The following SLC2A9 variants were observed in gnomAD, a reference collection of about 807,000 sequenced individuals.
The protein encoded by SLC2A9 is solute carrier family 2, facilitated glucose transporter member 9.
Under a neutral mutation model 50.6 loss-of-function variants are expected in SLC2A9, and 39 were observed. The ratio of observed to expected loss-of-function variants is 0.77; its 90% CI spans 0.60 to 1.01. The LOEUF is 1.01. Among genes scored for constraint, SLC2A9 ranks in the 50% least tolerant of loss-of-function variants. The pLI is 0.00. For missense variants in SLC2A9, 686 were observed against 677.6 expected (o/e 1.01, Z -0.14); for synonymous variants, 324 against 276.9 (o/e 1.17, Z -1.69).
At chr4:9,895,883 C>T (rs952879533) in intron 8 of SLC2A9, among the ~76,000 whole-genome samples, 4 of 152,182 alleles carry the variant, frequency 2.6e-5, no homozygotes, top group East Asian at 3.8e-4. Flanking sequence ...CACAAGGATT[C>T]GATTTATCAT....
chr4:9,839,397 T>C (rs1467152571), intron 10 of SLC2A9, among the ~76,000 whole-genome samples: 1 of 152,158 alleles, frequency 6.6e-6, no homozygotes, highest in African/African-American at 2.4e-5. Flanking sequence ...GAGTGTAAAT[T>C]AGTTCAACCA....
intron 6 of SLC2A9, among the ~76,000 whole-genome samples, chr4:9,928,389 G>C (rs1180000334): frequency 6.6e-6 from 1 of 152,218 alleles, no homozygotes; most frequent in South Asian, 2.1e-4. Flanking sequence ...AGATGTGTCT[G>C]TCATGTGGTT....
chr4:9,874,943 GCGTC>G (rs1734057018), intron 10 of SLC2A9, among the ~76,000 whole-genome samples: 4 of 122,246 alleles, frequency 3.3e-5, no homozygotes, highest in Non-Finnish European at 5.2e-5. Flanking sequence ...CCATAGGTTA[GCGTC>G]TGTCTAAGAT....
intron 5 of SLC2A9, among the ~76,000 whole-genome samples, chr4:9,946,080 C>A (rs925609117): frequency 6.6e-6 from 1 of 152,194 alleles, no homozygotes; most frequent in Admixed American, 6.5e-5. Flanking sequence ...GGTGTCGGTC[C>A]AGCCTGCTGG....
chr4:9,886,879 G>A (rs775207856), intron 10 of SLC2A9, among the ~76,000 whole-genome samples: 1 of 152,178 alleles, frequency 6.6e-6, no homozygotes, highest in Non-Finnish European at 1.5e-5. Flanking sequence ...CATCCTTGTC[G>A]TTGTACAGAT....
intron 1 of SLC2A9, among the ~76,000 whole-genome samples, chr4:10,036,673 T>G (rs1764115263): frequency 6.6e-6 from 1 of 152,240 alleles, no homozygotes; most frequent in Admixed American, 6.5e-5. Flanking sequence ...GTTTTCTCCC[T>G]TTTTCCAATA....
At chr4:9,809,682 G>A (rs916528194) in intron 3 of SLC2A9, among the ~76,000 whole-genome samples, 1 of 152,174 alleles carries the variant, frequency 6.6e-6, no homozygotes, top group Non-Finnish European at 1.5e-5. Flanking sequence ...TGGTTAAATA[G>A]TGAGACCAAT....
At chr4:9,787,600 T>A (rs1719389032) in intron 3 of SLC2A9, among the ~76,000 whole-genome samples, 2 of 152,246 alleles carry the variant, frequency 1.3e-5, no homozygotes, top group Admixed American at 1.3e-4. Flanking sequence ...TATTCAGACT[T>A]CATGATAATG....
At chr4:10,024,634 C>A (rs1022824091), upstream of SLC2A9, among the ~76,000 whole-genome samples, 1 of 152,174 alleles carries the variant, frequency 6.6e-6, no homozygotes, top group African/African-American at 2.4e-5. Context: ...GTCTTGGCAG[C>A]CCCAGCAAAC....
At chr4:9,773,710 C>T (rs1717145831) in intron 1 of SLC2A9, among the ~76,000 whole-genome samples, 1 of 152,206 alleles carries the variant, frequency 6.6e-6, no homozygotes, top group Non-Finnish European at 1.5e-5. Context: ...AGAGCCTGTG[C>T]TGATGAGGCT....
exon 4 of SLC2A9, chr4:9,779,971 C>G (rs140660236): frequency 1.3e-5 from 2 of 152,292 alleles, no homozygotes; most frequent in Non-Finnish European, 2.9e-5. Flanking sequence ...ACCACATGAC[C>G]GTTTACAATG....
intron 7 of SLC2A9, among the ~76,000 whole-genome samples, chr4:9,909,302 T>C (rs1364037245): frequency 6.6e-6 from 1 of 152,246 alleles, no homozygotes; most frequent in Admixed American, 6.5e-5. Flanking sequence ...TTGATAATTA[T>C]GCTAGGATGA....
At chr4:9,918,515 C>A (rs1445938184) in intron 7 of SLC2A9, among the ~76,000 whole-genome samples, 1 of 152,176 alleles carries the variant, frequency 6.6e-6, no homozygotes, top group Non-Finnish European at 1.5e-5. Flanking sequence ...GACCTTGGGG[C>A]CAGATAGCTA....
intron 3 of SLC2A9, among the ~76,000 whole-genome samples, chr4:9,993,121 G>C (rs1053434115): frequency 6.6e-6 from 1 of 152,198 alleles, no homozygotes; most frequent in African/African-American, 2.4e-5. Context: ...ACTCCTTGTA[G>C]GTGCTCAAAA....
upstream of SLC2A9, among the ~76,000 whole-genome samples, chr4:10,025,075 T>C (rs1288159878): frequency 1.3e-5 from 2 of 152,238 alleles, no homozygotes; most frequent in East Asian, 1.9e-4. Flanking sequence ...ACAATGATGT[T>C]CAGCTTGCCA....
At chr4:9,817,057 T>G (rs1482535044) in intron 3 of SLC2A9, among the ~76,000 whole-genome samples, 1 of 152,182 alleles carries the variant, frequency 6.6e-6, no homozygotes, top group Non-Finnish European at 1.5e-5. Context: ...GTGCAGCATC[T>G]TCAAATCTTT....
At chr4:10,006,277 G>C (rs901728414) in intron 2 of SLC2A9, among the ~76,000 whole-genome samples, 5 of 152,196 alleles carry the variant, frequency 3.3e-5, no homozygotes, top group African/African-American at 1.2e-4. Flanking sequence ...TTACCTCGTA[G>C]CCCGTTTAAC....
chr4:9,836,437 G>A (rs577706674), intron 10 of SLC2A9, among the ~76,000 whole-genome samples: 1 of 152,320 alleles, frequency 6.6e-6, no homozygotes, highest in South Asian at 2.1e-4. Flanking sequence ...GGAGGAGATG[G>A]TGGAGATGTG....
intron 5 of SLC2A9, among the ~76,000 whole-genome samples, chr4:9,956,308 C>G (rs376927672): frequency 6.5e-4 from 94 of 144,726 alleles, no homozygotes; most frequent in African/African-American, 2.3e-3. Flanking sequence ...ATGGTGAAAC[C>G]CCATGTCTAC....
Sources: gnomAD v4.1 joint callset for allele counts (sites outside exome capture counted in the v4.1 genomes callset) on GRCh38, gnomAD v4.1.1 for gene constraint, MANE v1.5 for transcripts, NCBI Gene and HGNC (gene_info 2026-07-23, HGNC 2026-07-21) for gene names.